FER: variants seen among roughly 807,000 people sequenced by gnomAD.
FER encodes the protein tyrosine-protein kinase Fer.
Under a neutral mutation model 111.0 loss-of-function variants are expected in FER, and 63 were observed. That is an observed-to-expected ratio of 0.57 (90% CI 0.46 to 0.70). The LOEUF is 0.70. FER is among the 30% of genes least tolerant of loss of function. The pLI, the probability that FER is intolerant of heterozygous loss-of-function variation, is 0.00. For synonymous variants in FER, 327 were observed against 313.9 expected, an observed-to-expected ratio of 1.04 and a Z score of -0.44; for missense variants, 914 against 954.0, an observed-to-expected ratio of 0.96 and a Z score of 0.55.
chr5:108,873,065 T>A (rs1281528460), intron 8 of FER, among the ~76,000 whole-genome samples: 2 of 152,162 alleles, frequency 1.3e-5, no homozygotes, highest in African/African-American at 2.4e-5. Flanking sequence ...ATGGTGGTGG[T>A]ACGGGTAATT....
intron 3 of FER, among the ~76,000 whole-genome samples, chr5:108,823,465 G>A (rs188569165): frequency 6.6e-6 from 1 of 152,074 alleles, no homozygotes; most frequent in Non-Finnish European, 1.5e-5. Context: ...TTTTATAATA[G>A]CCATCTTAAT....
At chr5:109,123,777 G>A (rs542245907) in intron 17 of FER, among the ~76,000 whole-genome samples, 1 of 152,060 alleles carries the variant, frequency 6.6e-6, no homozygotes, top group East Asian at 1.9e-4. Context: ...GTGACTGCTG[G>A]GCAAAAGAAG....
intron 13 of FER, among the ~76,000 whole-genome samples, chr5:108,963,267 T>C (rs112973360): frequency 3.1e-4 from 47 of 152,248 alleles, no homozygotes; most frequent in African/African-American, 9.4e-4. Context: ...ACATTTATGA[T>C]TAAATGTAGA....
At chr5:108,766,407 A>G (rs1318174123) in intron 1 of FER, among the ~76,000 whole-genome samples, 1 of 152,222 alleles carries the variant, frequency 6.6e-6, no homozygotes, top group East Asian at 1.9e-4. Flanking sequence ...TGTTCCAGGT[A>G]CTATGCAAGT....
rs1388754037 is a variant in FER, at chr5:109,195,516, T to G, written c.*7941T>G. ...AGTAAATTTTATAATCCTATGATTC[T>G]AAATTCAATCCCCAATATAGATTCT... On this transcript the variant is annotated 3_prime_UTR_variant, in exon 20 of 20. Coordinates refer to ENST00000281092, the MANE Select transcript of FER (RefSeq NM_005246.4). 6.6e-6 allele frequency: 1 copy of G among 152,218 alleles called. No homozygotes were observed. Among genetic ancestry groups the G allele is most frequent in the Non-Finnish European group, 1.5e-5 (1 of 68,038 alleles). 9.4% of individuals were successfully genotyped at this position (152,218 alleles called of 1,614,324 possible). A position where few individuals can be genotyped will look rare whatever the true frequency, so the allele number is the denominator to read the frequency against.
intron 10 of FER, among the ~76,000 whole-genome samples, chr5:108,907,404 T>G (rs925258399): frequency 4.0e-5 from 6 of 151,884 alleles, no homozygotes; most frequent in Non-Finnish European, 8.8e-5. Flanking sequence ...AAGCAATTCT[T>G]GGGCTCAGCC....
chr5:108,780,179 T>C (rs540050253), intron 2 of FER, among the ~76,000 whole-genome samples: 17 of 152,276 alleles, frequency 1.1e-4, no homozygotes, highest in Admixed American at 5.2e-4. Context: ...CCTTCACTTA[T>C]TCATCTCCAG....
chr5:108,769,834 CT>C (rs375174906), intron 2 of FER, among the ~76,000 whole-genome samples: 31 of 152,262 alleles, frequency 2.0e-4, no homozygotes, highest in African/African-American at 6.5e-4. Flanking sequence ...GCAAAAGGCA[CT>C]TAGCTATAGT....
At position 109,196,539 on chromosome 5, in the gene FER, T is replaced by C. The variant is rs1427537277; in HGVS notation, c.*8964T>C. On this transcript the variant is annotated 3_prime_UTR_variant, in exon 20 of 20. Transcript: ENST00000281092. Reference sequence around the variant, plus strand: ...TGGCTTTATAAACAAGTCTGAAAAATGGATGAAAGCTAAATATATAAAGCA... The same window carrying C: ...TGGCTTTATAAACAAGTCTGAAAAACGGATGAAAGCTAAATATATAAAGCA... The C allele has an allele frequency of 4.6e-5, 7 of 152,158 alleles. No homozygotes were observed. Among genetic ancestry groups the C allele is most frequent in the Admixed American group, 4.6e-4 (7 of 15,276 alleles). The allele number at this position is 152,158 out of a possible 1,614,324, so 9.4% of individuals were successfully genotyped here.
chr5:108,876,369 A>G (rs956991519), intron 8 of FER, among the ~76,000 whole-genome samples: 1 of 152,220 alleles, frequency 6.6e-6, no homozygotes, highest in Non-Finnish European at 1.5e-5. Flanking sequence ...AGAGCCAAGC[A>G]GTTGTGACAG....
At chr5:108,753,114 G>A (rs924616511) in intron 1 of FER, among the ~76,000 whole-genome samples, 1 of 152,074 alleles carries the variant, frequency 6.6e-6, no homozygotes, top group African/African-American at 2.4e-5. Context: ...GACAATGTAG[G>A]TAAGATTTAG....
intron 5 of FER, among the ~76,000 whole-genome samples, chr5:108,860,090 C>T (rs1310576853): frequency 6.6e-6 from 1 of 151,702 alleles, no homozygotes; most frequent in Admixed American, 6.6e-5. Flanking sequence ...TACAGGTGTG[C>T]ACCACCACGC....
intron 5 of FER, among the ~76,000 whole-genome samples, chr5:108,855,980 C>T (rs1054017207): frequency 2.0e-5 from 3 of 150,178 alleles, no homozygotes; most frequent in Admixed American, 1.3e-4. Context: ...GCTATTACAG[C>T]TTGTTTACTG....
rs139205864 is a variant in FER at position 108,872,187 on chromosome 5, T to G, written c.898T>G (p.Leu300Val). Residue 300 changes from leucine to valine, a missense_variant, in exon 8 of 20, where the codon TTA (leucine) becomes GTA (valine). Leu to Val is a conservative substitution (Grantham distance 32). This residue lies in a region of FER where 774 missense variants were observed against 782.6 expected (regional missense o/e 0.99). Coordinates refer to ENST00000281092, the MANE Select transcript of FER (RefSeq NM_005246.4). Reference protein sequence around the residue: ...LQANEIMWNNLTAESLQVMLK... With the variant: ...LQANEIMWNNVTAESLQVMLK... ...GGCAAATGAGATCATGTGGAATAACTTAACAGCAGAAAGTTTGCAAGTAAT... is the reference window on the plus strand; with the variant it reads ...GGCAAATGAGATCATGTGGAATAACGTAACAGCAGAAAGTTTGCAAGTAAT... The G allele has an allele frequency of 7.1e-5, 115 of 1,609,994 alleles. No individual in the cohort carries two copies. The African/African-American group carries it at 1.4e-3, about 20-fold the overall frequency.
At chr5:108,766,857 T>G (rs1233628843) in intron 1 of FER, among the ~76,000 whole-genome samples, 1 of 152,080 alleles carries the variant, frequency 6.6e-6, no homozygotes, top group Admixed American at 6.5e-5. Flanking sequence ...AGGCAAAAAG[T>G]GAGACGTTGT....
At chr5:109,143,782 C>G (rs959083855) in intron 17 of FER, among the ~76,000 whole-genome samples, 5 of 151,442 alleles carry the variant, frequency 3.3e-5, no homozygotes, top group Non-Finnish European at 7.4e-5. Context: ...TCAAGCTATC[C>G]TCCCACTTCA....
chr5:108,787,228 G>A (rs911096544), intron 2 of FER, among the ~76,000 whole-genome samples: 2 of 152,212 alleles, frequency 1.3e-5, no homozygotes, highest in African/African-American at 2.4e-5. Flanking sequence ...GTTGCAACCC[G>A]GCCAGGTATG....
chr5:108,761,402 A>T (rs1025180810), intron 1 of FER, among the ~76,000 whole-genome samples: 1 of 152,136 alleles, frequency 6.6e-6, no homozygotes, highest in Non-Finnish European at 1.5e-5. Flanking sequence ...GAAGAAGGAG[A>T]GGGAGTAGAG....
intron 13 of FER, among the ~76,000 whole-genome samples, chr5:109,030,645 G>T (rs181416861): frequency 2.5e-4 from 38 of 152,274 alleles, no homozygotes; most frequent in Non-Finnish European, 4.7e-4. Context: ...GGGCTGCCAG[G>T]TGTTTCACTG....
Sources: gnomAD v4.1 joint callset for allele counts (sites outside exome capture counted in the v4.1 genomes callset) on GRCh38, gnomAD v4.1.1 for gene constraint, gnomAD v4.1.1 regional missense constraint, MANE v1.5 for transcripts, NCBI Gene and HGNC (gene_info 2026-07-23, HGNC 2026-07-21) for gene names.